The following IL1RAPL2 variants were observed in gnomAD, a reference collection of about 807,000 sequenced individuals.
The protein encoded by IL1RAPL2 is interleukin 1 receptor accessory protein like 2, also known as X-linked interleukin-1 receptor accessory protein-like 2.
A neutral mutation model predicts 44.1 loss-of-function variants in IL1RAPL2; 3 were observed. That is an observed-to-expected ratio of 0.07 (90% CI 0.03 to 0.18). The LOEUF is 0.18. Among genes scored for constraint, IL1RAPL2 ranks in the 10% least tolerant of loss-of-function variants. The pLI, the probability that IL1RAPL2 is intolerant of heterozygous loss-of-function variation, is 1.00. For synonymous variants in IL1RAPL2, 181 were observed against 178.8 expected (o/e 1.01, Z -0.10); for missense variants, 391 against 496.4 (o/e 0.79, Z 2.02).
chrX:105,569,152 T>C (rs970244389), intron 6 of IL1RAPL2, among the ~76,000 whole-genome samples: 6 of 112,104 alleles, frequency 5.4e-5, no homozygotes, highest in African/African-American at 1.9e-4. Context: ...TATTTTTAGA[T>C]TTAAAAGTTC....
intron 2 of IL1RAPL2, among the ~76,000 whole-genome samples, chrX:104,771,438 CA>C (rs1422711167): frequency 1.8e-5 from 2 of 112,090 alleles, no homozygotes; most frequent in Non-Finnish European, 3.8e-5. Context: ...GTATCTTTTT[CA>C]AAAAAATCCT....
At chrX:104,950,505 C>A (rs1226056909) in intron 2 of IL1RAPL2, among the ~76,000 whole-genome samples, 1 of 112,410 alleles carries the variant, frequency 8.9e-6, no homozygotes, top group East Asian at 2.8e-4. Flanking sequence ...CCACCCATTT[C>A]GAGCTTCGGG....
intron 1 of IL1RAPL2, among the ~76,000 whole-genome samples, chrX:104,626,408 T>A (rs1345258980): frequency 9.1e-6 from 1 of 110,037 alleles, no homozygotes; most frequent in African/African-American, 3.3e-5. Context: ...AGATGGTTTG[T>A]TTTTTATTTT....
chrX:104,634,885 A>G lies in IL1RAPL2; in HGVS notation c.-19-24010A>G, dbSNP rs759536412. Among the ~76,000 whole-genome samples the G allele has an allele frequency of 2.7e-5, 3 of 111,643 alleles. No individual in the cohort carries two copies. The South Asian group carries it at 1.1e-3, about 42-fold the overall frequency. ...TATTTGTGAATTTGATCCTGTCATT[A>G]TGATGTTAGCTGGTTATTTTGCTTG... is the stretch of plus-strand genomic sequence containing the variant. On this transcript the variant is annotated intron_variant, in intron 1 of 10. Coordinates refer to ENST00000372582, the MANE Select transcript of IL1RAPL2 (RefSeq NM_017416.2).
At chrX:104,855,519 C>T (rs1375887312) in intron 2 of IL1RAPL2, among the ~76,000 whole-genome samples, 1 of 110,137 alleles carries the variant, frequency 9.1e-6, no homozygotes, top group African/African-American at 3.3e-5. Context: ...AGTCCAGATT[C>T]TTCCTAGCAA....
intron 2 of IL1RAPL2, among the ~76,000 whole-genome samples, chrX:105,164,845 T>C (rs1275792620): frequency 8.9e-6 from 1 of 112,283 alleles, no homozygotes; most frequent in Non-Finnish European, 1.9e-5. Context: ...CTTGTGAGGC[T>C]TAGGGAGAGA....
intron 6 of IL1RAPL2, among the ~76,000 whole-genome samples, chrX:105,702,414 A>C: frequency 9.0e-6 from 1 of 111,373 alleles, no homozygotes; most frequent in East Asian, 2.9e-4. Context: ...AAGGCCAGCC[A>C]GAAAATTTGC....
In IL1RAPL2 at chrX:105,452,313, G is replaced by A. The variant is rs1292802; in HGVS notation, c.698-32000G>A. The stretch of plus-strand genomic sequence containing the variant: ...TTTTAACTTCTTTTTTTCTAGTGAT[G>A]AGGTAAAAACAGAATACAGTTATCA... On this transcript the variant is annotated intron_variant, in intron 5 of 10. Transcript: ENST00000372582. Among the ~76,000 whole-genome samples, 411 of 111,297 alleles carry A rather than the reference G, an allele frequency of 3.7e-3. 1 individual carries two copies. The highest frequency in any genetic ancestry group is 0.012 in the African/African-American group (383 of 30,726).
At chrX:104,750,575 G>A (rs1363808981) in intron 2 of IL1RAPL2, among the ~76,000 whole-genome samples, 1 of 110,612 alleles carries the variant, frequency 9.0e-6, no homozygotes, top group Non-Finnish European at 1.9e-5. Flanking sequence ...GACTATTCCC[G>A]GGCATTCAAT....
chrX:104,883,357 C>G (rs750214665), intron 2 of IL1RAPL2, among the ~76,000 whole-genome samples: 2 of 111,187 alleles, frequency 1.8e-5, no homozygotes, highest in Non-Finnish European at 3.8e-5. Flanking sequence ...CCCGACTCTT[C>G]GGAGTTGGGA....
chrX:104,689,611 A>G (rs192700967), intron 2 of IL1RAPL2, among the ~76,000 whole-genome samples: 2 of 111,996 alleles, frequency 1.8e-5, no homozygotes, highest in East Asian at 5.6e-4. Context: ...CTGCTGGTAT[A>G]GCTTCCGTTG....
At chrX:104,972,990 A>T (rs1364859495) in intron 2 of IL1RAPL2, among the ~76,000 whole-genome samples, 2 of 112,093 alleles carry the variant, frequency 1.8e-5, no homozygotes, top group East Asian at 5.6e-4. Context: ...GTACTCAAGT[A>T]GTTATTCCCT....
At chrX:104,917,857 A>G (rs1924507694) in intron 2 of IL1RAPL2, among the ~76,000 whole-genome samples, 1 of 111,847 alleles carries the variant, frequency 8.9e-6, no homozygotes, top group Non-Finnish European at 1.9e-5. Context: ...TCTATACAAG[A>G]TGAAGCTGCT....
chrX:104,916,243 A>G (rs772189361), intron 2 of IL1RAPL2, among the ~76,000 whole-genome samples: 1 of 111,342 alleles, frequency 9.0e-6, no homozygotes, highest in Non-Finnish European at 1.9e-5. Flanking sequence ...CTTTTATTTC[A>G]TTGAGCAGTG....
chrX:104,756,115 T>C (rs1330099533), intron 2 of IL1RAPL2, among the ~76,000 whole-genome samples: 1 of 111,061 alleles, frequency 9.0e-6, no homozygotes, highest in Non-Finnish European at 1.9e-5. Context: ...ATAGCACTCT[T>C]CCCTAATATT....
At chrX:105,434,418 C>T (rs1183189927) in intron 5 of IL1RAPL2, among the ~76,000 whole-genome samples, 1 of 111,972 alleles carries the variant, frequency 8.9e-6, no homozygotes, top group Admixed American at 9.5e-5. Flanking sequence ...TTTACGGCAG[C>T]AGTATTCATA....
chrX:105,296,697 T>G (rs1426249229), intron 5 of IL1RAPL2, among the ~76,000 whole-genome samples: 1 of 112,473 alleles, frequency 8.9e-6, no homozygotes, highest in Non-Finnish European at 1.9e-5. Flanking sequence ...GGGCTAGGAA[T>G]CAGAAGACGT....
At chrX:104,819,081 T>A (rs1269890159) in intron 2 of IL1RAPL2, among the ~76,000 whole-genome samples, 1 of 112,078 alleles carries the variant, frequency 8.9e-6, no homozygotes, top group African/African-American at 3.2e-5. Context: ...AAGGCCTTGG[T>A]GAGCAGATAG....
At chrX:104,967,972 C>T (rs1162697513) in intron 2 of IL1RAPL2, among the ~76,000 whole-genome samples, 1 of 111,138 alleles carries the variant, frequency 9.0e-6, no homozygotes, top group Non-Finnish European at 1.9e-5. Context: ...ACTAAACATT[C>T]AAGGAACAGA....
Sources: gnomAD v4.1 joint callset for allele counts (sites outside exome capture counted in the v4.1 genomes callset) on GRCh38, gnomAD v4.1.1 for gene constraint, MANE v1.5 for transcripts, NCBI Gene and HGNC (gene_info 2026-07-23, HGNC 2026-07-21) for gene names.